Variants in MIR2052HG observed in about 807,000 individuals in gnomAD.
MIR2052HG encodes MIR2052 host gene.
chr8:74,602,876 T>TCTTTTCTTTCTTTCTTTCTTTCTTTC (rs1554570015), intron 1 of MIR2052HG, among the ~76,000 whole-genome samples: 57 of 137,106 alleles, frequency 4.2e-4, no homozygotes, highest in East Asian at 6.7e-4. Flanking sequence ...TTTCTTTCTT[T>TCTTTTCTTTCTTTCTTTCTTTCTTTC]TTTCTATTCA....
At chr8:74,647,331 T>C (rs1211320415) in intron 2 of MIR2052HG, among the ~76,000 whole-genome samples, 1 of 152,192 alleles carries the variant, frequency 6.6e-6, no homozygotes, top group African/African-American at 2.4e-5. Context: ...TCCAGTTGCT[T>C]TAACTGTGAA....
At chr8:74,749,247 A>G (rs1353993242) in intron 4 of MIR2052HG, among the ~76,000 whole-genome samples, 1 of 152,174 alleles carries the variant, frequency 6.6e-6, no homozygotes, top group Non-Finnish European at 1.5e-5. Context: ...AAAAAATCCC[A>G]AATGACAAAA....
chr8:74,703,803 C>G, intron 4 of MIR2052HG: 1 of 318,284 alleles, frequency 3.1e-6, no homozygotes, highest in Non-Finnish European at 6.2e-6. Flanking sequence ...CGGGTTAATA[C>G]AGCCTTATAA....
chr8:74,631,903 G>A (rs1808516152), intron 2 of MIR2052HG, among the ~76,000 whole-genome samples: 1 of 152,008 alleles, frequency 6.6e-6, no homozygotes, highest in Non-Finnish European at 1.5e-5. Flanking sequence ...TCTTTTATAT[G>A]GGCACAAATC....
intron 4 of MIR2052HG, among the ~76,000 whole-genome samples, chr8:74,717,649 G>A (rs1172547329): frequency 2.0e-5 from 3 of 151,798 alleles, no homozygotes. Context: ...AAAACCTCAT[G>A]TCTACAAAAA....
At chr8:74,653,979 C>T (rs554777750) in intron 2 of MIR2052HG, among the ~76,000 whole-genome samples, 1 of 152,106 alleles carries the variant, frequency 6.6e-6, no homozygotes, top group East Asian at 1.9e-4. Context: ...TCACTAACTA[C>T]TAAAAAAAGC....
At chr8:74,674,317 TAG>T (rs1809027767) in intron 2 of MIR2052HG, among the ~76,000 whole-genome samples, 1 of 151,758 alleles carries the variant, frequency 6.6e-6, no homozygotes, top group Admixed American at 6.6e-5. Flanking sequence ...ACCCCCAAGC[TAG>T]AGTGATGGCT....
At chr8:74,650,457 GT>G (rs1266971776) in intron 2 of MIR2052HG, among the ~76,000 whole-genome samples, 2 of 152,050 alleles carry the variant, frequency 1.3e-5, no homozygotes, top group Non-Finnish European at 2.9e-5. Flanking sequence ...TAAATTTAAT[GT>G]TTTTATTTTC....
intron 2 of MIR2052HG, among the ~76,000 whole-genome samples, chr8:74,624,307 G>T (rs768996056): frequency 2.6e-5 from 4 of 152,160 alleles, no homozygotes; most frequent in Non-Finnish European, 5.9e-5. Context: ...ATGTCACTTT[G>T]TCTAAAGTTC....
At chr8:74,637,191 A>G (rs1808592442) in intron 2 of MIR2052HG, among the ~76,000 whole-genome samples, 1 of 152,148 alleles carries the variant, frequency 6.6e-6, no homozygotes, top group African/African-American at 2.4e-5. Context: ...GAAGGATCTG[A>G]GCAGGCATGG....
chr8:74,640,519 C>T (rs865862094), intron 2 of MIR2052HG, among the ~76,000 whole-genome samples: 3 of 151,122 alleles, frequency 2.0e-5, no homozygotes, highest in African/African-American at 4.9e-5. Context: ...CCCTGGCCTC[C>T]GTTTTAAGTT....
chr8:74,695,384 A>G (rs1317323917), intron 2 of MIR2052HG, among the ~76,000 whole-genome samples: 1 of 152,172 alleles, frequency 6.6e-6, no homozygotes, highest in Non-Finnish European at 1.5e-5. Flanking sequence ...CACAGGACCT[A>G]TAAAACAAAA....
chr8:74,611,079 A>G (rs760356796), intron 1 of MIR2052HG, among the ~76,000 whole-genome samples: 16 of 152,102 alleles, frequency 1.1e-4, no homozygotes, highest in Non-Finnish European at 1.8e-4. Context: ...TGCAAATCAT[A>G]TATCTGATAA....
At position 74,740,986 on chromosome 8, in the gene MIR2052HG, A is replaced by G. The variant is rs144908294; in HGVS notation, n.372-11455A>G. On this transcript the variant is annotated intron_variant and non_coding_transcript_variant, in intron 4 of 6. Coordinates refer to ENST00000523442, the Ensembl canonical transcript of MIR2052HG. ...ATAAAATTGCTGTAAATGCTGAATTAGCAAATACTAAATCATTGCTCCTAG... is the reference window on the plus strand; with the variant it reads ...ATAAAATTGCTGTAAATGCTGAATTGGCAAATACTAAATCATTGCTCCTAG... Among the ~76,000 whole-genome samples the G allele has an allele frequency of 1.2e-3, 190 of 152,340 alleles. 1 individual carries two copies. The highest frequency in any genetic ancestry group is 4.2e-3 in the African/African-American group (173 of 41,588).
intron 2 of MIR2052HG, among the ~76,000 whole-genome samples, chr8:74,655,047 C>A (rs1283400639): frequency 1.3e-5 from 2 of 152,036 alleles, no homozygotes; most frequent in Non-Finnish European, 2.9e-5. Flanking sequence ...TTTGCCCCCA[C>A]CCTAGAGATT....
chr8:74,755,958 C>T (rs1809995527), intron 5 of MIR2052HG, among the ~76,000 whole-genome samples: 1 of 152,068 alleles, frequency 6.6e-6, no homozygotes, highest in East Asian at 1.9e-4. Context: ...GTGGTACAGG[C>T]TCTATAGGTT....
intron 2 of MIR2052HG, among the ~76,000 whole-genome samples, chr8:74,623,285 A>C (rs1808390285): frequency 6.6e-6 from 1 of 152,218 alleles, no homozygotes; most frequent in Admixed American, 6.5e-5. Flanking sequence ...CAGTTTAATA[A>C]AATTGAAAGC....
intron 2 of MIR2052HG, among the ~76,000 whole-genome samples, chr8:74,636,189 AG>A (rs1808579382): frequency 6.6e-6 from 1 of 152,066 alleles, no homozygotes. Context: ...TTTCTTCTAG[AG>A]GGGGATCCAG....
chr8:74,645,957 G>C (rs778136859), intron 2 of MIR2052HG, among the ~76,000 whole-genome samples: 127 of 151,910 alleles, frequency 8.4e-4, no homozygotes, highest in Non-Finnish European at 1.3e-3. Flanking sequence ...TTTCATCAAT[G>C]ACCCCTATTA....
Sources: gnomAD v4.1 joint callset for allele counts (sites outside exome capture counted in the v4.1 genomes callset) on GRCh38, gnomAD v4.1.1 for gene constraint, MANE v1.5 for transcripts, NCBI Gene and HGNC (gene_info 2026-07-23, HGNC 2026-07-21) for gene names.